The following CHLSN variants were observed in gnomAD, a reference collection of about 807,000 sequenced individuals.
The protein encoded by CHLSN is cholesin, also known as protein cholesin.
At chr7:1,054,953 G>A in the CHLSN span, among the ~76,000 whole-genome samples, 15 of 152,250 alleles carry the variant, frequency 9.9e-5, no homozygotes, top group African/African-American at 3.6e-4. Context: ...ATTTCCTCAC[G>A]GAAAAAAGGG....
At chr7:1,024,808 G>A in the CHLSN span, 4 of 152,330 alleles carry the variant, frequency 2.6e-5, no homozygotes, top group East Asian at 3.9e-4. Flanking sequence ...CAGATCCTGC[G>A]AGCGGCTATT....
chr7:1,131,197 A>T, the CHLSN span, among the ~76,000 whole-genome samples: 3 of 95,926 alleles, frequency 3.1e-5, no homozygotes, highest in African/African-American at 1.8e-4. Flanking sequence ...TGTTTAAAAA[A>T]AAAAAAAAAA....
At chr7:1,127,707 G>A in the CHLSN span, among the ~76,000 whole-genome samples, 1,115 of 35,204 alleles carry the variant, frequency 0.032, 158 homozygotes, top group Non-Finnish European at 0.047. Context: ...GCACAATCTC[G>A]GCTGATCCCA....
chr7:1,086,919 C>T, the CHLSN span: 1 of 152,334 alleles, frequency 6.6e-6, no homozygotes, highest in South Asian at 2.1e-4. Flanking sequence ...GCTGAAGTTC[C>T]CTTCTGAGGA....
At chr7:1,029,248 C>T in the CHLSN span, among the ~76,000 whole-genome samples, 1 of 152,150 alleles carries the variant, frequency 6.6e-6, no homozygotes, top group Admixed American at 6.5e-5. Flanking sequence ...CCACCTTGGC[C>T]TTCCGAGTAG....
chr7:1,059,775 C>T, the CHLSN span, among the ~76,000 whole-genome samples: 1 of 22,948 alleles, frequency 4.4e-5, no homozygotes, highest in Non-Finnish European at 8.4e-5. Context: ...GGGGCGGGTC[C>T]GTAATGAGGC....
chr7:1,062,059 G>A, the CHLSN span, among the ~76,000 whole-genome samples: 28 of 152,340 alleles, frequency 1.8e-4, no homozygotes, highest in African/African-American at 5.1e-4. Flanking sequence ...GTTTTTCAGC[G>A]CGTGACGTCC....
the CHLSN span, chr7:1,127,203 C>T: frequency 6.5e-7 from 1 of 1,535,698 alleles, no homozygotes. Context: ...CCCTCCAGAT[C>T]AGATAACAGG....
chr7:1,035,956 C>CG, the CHLSN span, among the ~76,000 whole-genome samples: 2 of 152,148 alleles, frequency 1.3e-5, no homozygotes, highest in Non-Finnish European at 2.9e-5. Flanking sequence ...TCTGTCATGC[C>CG]GTGAAAAGAC....
At chr7:1,052,972 C>T in the CHLSN span, among the ~76,000 whole-genome samples, 2 of 152,150 alleles carry the variant, frequency 1.3e-5, no homozygotes, top group African/African-American at 4.8e-5. This position sits in a 1 kb window ranked among gnomAD's most constrained non-coding sequence, Gnocchi z 4.2. Context: ...CTCCCAGCCT[C>T]TAAGTCTCCC....
the CHLSN span, chr7:1,127,386 C>T: frequency 1.4e-5 from 22 of 1,600,694 alleles, no homozygotes; most frequent in Non-Finnish European, 1.8e-5. Context: ...GTTTTGCCAT[C>T]CTGCAACAGA....
At chr7:1,115,269 C>A in the CHLSN span, among the ~76,000 whole-genome samples, 6 of 152,374 alleles carry the variant, frequency 3.9e-5, no homozygotes, top group Non-Finnish European at 7.3e-5. Context: ...CCAAACACTT[C>A]TTGGGCATTC....
the CHLSN span, chr7:1,028,765 T>C: frequency 1.4e-6 from 1 of 690,410 alleles, no homozygotes; most frequent in Non-Finnish European, 1.7e-6. Context: ...TGTCCCCATC[T>C]CCCCTAGTCT....
At chr7:986,334 C>A in the CHLSN span, 1 of 479,908 alleles carries the variant, frequency 2.1e-6, no homozygotes, top group Non-Finnish European at 3.8e-6. Flanking sequence ...ACAGGAGGTT[C>A]AAGGTTACTT....
At chr7:994,605 G>A in the CHLSN span, among the ~76,000 whole-genome samples, 60 of 151,932 alleles carry the variant, frequency 3.9e-4, no homozygotes, top group African/African-American at 1.3e-3. Flanking sequence ...CACCATCCCC[G>A]GATTTTTTAT....
chr7:998,457 CTTTTTTTTT>C, the CHLSN span, among the ~76,000 whole-genome samples: 24 of 95,024 alleles, frequency 2.5e-4, no homozygotes, highest in African/African-American at 9.1e-4. Context: ...GTCTTAGATT[CTTTTTTTTT>C]TTTTTTTTTT....
At chr7:1,090,603 A>G in the CHLSN span, among the ~76,000 whole-genome samples, 1 of 149,446 alleles carries the variant, frequency 6.7e-6, no homozygotes, top group Non-Finnish European at 1.5e-5. Context: ...CACTGGCGGC[A>G]GAGCCAGGGT....
At chr7:1,009,976 G>A in the CHLSN span, 63 of 1,574,884 alleles carry the variant, frequency 4.0e-5, no homozygotes, top group Non-Finnish European at 5.2e-5. Context: ...GGGCCAGTTC[G>A]GCCCCCGAGC....
the CHLSN span, among the ~76,000 whole-genome samples, chr7:1,068,612 C>T: frequency 2.6e-5 from 4 of 152,138 alleles, no homozygotes; most frequent in East Asian, 3.9e-4. Flanking sequence ...CCTGGGTTGC[C>T]GATGCCTGCT....
Sources: allele counts gnomAD v4.1 joint callset (sites outside exome capture counted in the v4.1 genomes callset), GRCh38; gene constraint gnomAD v4.1.1; non-coding constraint Gnocchi (gnomAD v3.1); transcripts MANE v1.5; gene names NCBI Gene and HGNC (gene_info 2026-07-23, HGNC 2026-07-21).